Variants in QTMAN observed in about 807,000 individuals in gnomAD.
QTMAN encodes the protein queuosine-tRNA mannosyltransferase.
the QTMAN span, among the ~76,000 whole-genome samples, chr2:143,974,670 A>G: frequency 6.6e-6 from 1 of 152,006 alleles, no homozygotes; most frequent in African/African-American, 2.4e-5. Context: ...GTTAATGGAA[A>G]TTATCTTTAG....
chr2:143,970,606 C>CTTA, the QTMAN span: 4 of 944,274 alleles, frequency 4.2e-6, no homozygotes, highest in Non-Finnish European at 7.0e-6. Flanking sequence ...CGTTGTAGAG[C>CTTA]TTATGTCATC....
the QTMAN span, chr2:143,943,345 T>C: frequency 6.6e-6 from 1 of 152,218 alleles, no homozygotes; most frequent in Non-Finnish European, 1.5e-5. Flanking sequence ...CTCTTCATTG[T>C]TAAACATAAG....
At chr2:144,157,179 G>T in the QTMAN span, among the ~76,000 whole-genome samples, 1 of 152,002 alleles carries the variant, frequency 6.6e-6, no homozygotes, top group African/African-American at 2.4e-5. Context: ...TTTATTTTCT[G>T]TTTCATCCCT....
chr2:144,140,383 CACTT>C, the QTMAN span, among the ~76,000 whole-genome samples: 2 of 151,812 alleles, frequency 1.3e-5, no homozygotes, highest in Non-Finnish European at 2.9e-5. Context: ...ACCATCTACT[CACTT>C]AGAGATATAC....
the QTMAN span, among the ~76,000 whole-genome samples, chr2:144,243,398 C>T: frequency 6.6e-6 from 1 of 152,104 alleles, no homozygotes; most frequent in East Asian, 1.9e-4. Flanking sequence ...TCAGACTATG[C>T]TTGAATAACA....
At chr2:143,945,292 G>A in the QTMAN span, 2 of 152,222 alleles carry the variant, frequency 1.3e-5, no homozygotes, top group Non-Finnish European at 2.9e-5. Context: ...TAGTTCCTGA[G>A]CTCTTTGTTT....
At chr2:144,163,467 C>A in the QTMAN span, among the ~76,000 whole-genome samples, 3 of 152,044 alleles carry the variant, frequency 2.0e-5, no homozygotes, top group African/African-American at 7.2e-5. Flanking sequence ...GTTAGTAATC[C>A]CTACATCTAA....
the QTMAN span, among the ~76,000 whole-genome samples, chr2:144,292,506 CT>C: frequency 6.6e-6 from 1 of 152,024 alleles, no homozygotes; most frequent in Admixed American, 6.6e-5. Flanking sequence ...ACTAGTCTTT[CT>C]TTCTTATTAG....
the QTMAN span, among the ~76,000 whole-genome samples, chr2:144,065,744 T>C: frequency 2.0e-5 from 3 of 152,062 alleles, no homozygotes; most frequent in African/African-American, 7.2e-5. Context: ...GTCTCTGACA[T>C]TGGGTAAAAG....
At chr2:143,989,522 G>A in the QTMAN span, among the ~76,000 whole-genome samples, 1 of 152,110 alleles carries the variant, frequency 6.6e-6, no homozygotes, top group African/African-American at 2.4e-5. Flanking sequence ...CTTAAAGAAT[G>A]AGGATGATTA....
chr2:144,211,836 C>T, the QTMAN span, among the ~76,000 whole-genome samples: 146 of 152,216 alleles, frequency 9.6e-4, no homozygotes, highest in African/African-American at 3.4e-3. Context: ...CCCATTTCAG[C>T]AATAGTCAAA....
At chr2:144,111,151 A>C in the QTMAN span, among the ~76,000 whole-genome samples, 3 of 151,710 alleles carry the variant, frequency 2.0e-5, no homozygotes, top group Non-Finnish European at 2.9e-5. Context: ...CTTCGTACTG[A>C]GAGCCTGTCA....
At chr2:144,251,539 C>A in the QTMAN span, among the ~76,000 whole-genome samples, 1 of 152,072 alleles carries the variant, frequency 6.6e-6, no homozygotes, top group Non-Finnish European at 1.5e-5. Context: ...AAAAATAGAT[C>A]ATAATGAAGA....
the QTMAN span, among the ~76,000 whole-genome samples, chr2:144,077,604 T>C: frequency 6.6e-6 from 1 of 152,340 alleles, no homozygotes; most frequent in African/African-American, 2.4e-5. Flanking sequence ...TTTCAGAAAT[T>C]GTATTAACTA....
chr2:144,330,092 G>A, the QTMAN span, among the ~76,000 whole-genome samples: 1 of 152,164 alleles, frequency 6.6e-6, no homozygotes, highest in African/African-American at 2.4e-5. Flanking sequence ...GAGATTGGGC[G>A]TGCTGGAATT....
chr2:144,055,720 C>A, the QTMAN span, among the ~76,000 whole-genome samples: 3 of 152,144 alleles, frequency 2.0e-5, no homozygotes, highest in African/African-American at 7.2e-5. Flanking sequence ...TACCCTATTT[C>A]CCTGTCCCCT....
chr2:144,322,975 G>A, the QTMAN span, among the ~76,000 whole-genome samples: 2 of 152,150 alleles, frequency 1.3e-5, no homozygotes, highest in African/African-American at 4.8e-5. Context: ...CAATAGCACA[G>A]CAGGTAACAC....
the QTMAN span, among the ~76,000 whole-genome samples, chr2:144,320,958 C>A: frequency 6.6e-6 from 1 of 152,188 alleles, no homozygotes; most frequent in South Asian, 2.1e-4. Context: ...CCCAACTGGC[C>A]TGTCTTTTTG....
At chr2:144,066,301 T>C in the QTMAN span, among the ~76,000 whole-genome samples, 2 of 152,198 alleles carry the variant, frequency 1.3e-5, no homozygotes, top group Non-Finnish European at 2.9e-5. Flanking sequence ...AATAAAAATG[T>C]TCATATAAAA....
Sources: allele counts gnomAD v4.1 joint callset (sites outside exome capture counted in the v4.1 genomes callset), GRCh38; gene constraint gnomAD v4.1.1; transcripts MANE v1.5; gene names NCBI Gene and HGNC (gene_info 2026-07-23, HGNC 2026-07-21).